SYTL5: variants seen among roughly 807,000 people sequenced by gnomAD.
SYTL5 encodes synaptotagmin-like protein 5.
In SYTL5, 34 loss-of-function variants were observed where a neutral mutation model predicts 55.9. The ratio of observed to expected loss-of-function variants is 0.61; its 90% CI spans 0.46 to 0.81. The LOEUF is 0.81. Ranked by LOEUF, SYTL5 falls within the 30% of genes least tolerant of loss-of-function variation. SYTL5 has a pLI of 0.00. For synonymous variants in SYTL5, 221 were observed against 188.7 expected (o/e 1.17, Z -1.40); for missense variants, 637 against 546.7 (o/e 1.17, Z -1.65).
chrX:38,024,667 C>T (rs1934692377), intron 1 of SYTL5, among the ~76,000 whole-genome samples: 1 of 111,089 alleles, frequency 9.0e-6, no homozygotes, highest in Non-Finnish European at 1.9e-5. Context: ...CCTCAGTTTT[C>T]TCATCTATAA....
intron 2 of SYTL5, among the ~76,000 whole-genome samples, chrX:38,037,822 ATAG>A (rs374693453): frequency 0.18 from 20,127 of 110,443 alleles, 1,762 homozygotes; most frequent in Non-Finnish European, 0.26. Flanking sequence ...AGATAGATAG[ATAG>A]ATAGATAGAT....
At chrX:38,124,137 A>G (rs1937602426) in intron 15 of SYTL5, among the ~76,000 whole-genome samples, 2 of 111,540 alleles carry the variant, frequency 1.8e-5, no homozygotes, top group Admixed American at 9.5e-5. Flanking sequence ...TATCCCACAC[A>G]AATTCCAGCT....
chrX:38,019,523 C>T (rs1361147537), intron 1 of SYTL5, among the ~76,000 whole-genome samples: 1 of 112,124 alleles, frequency 8.9e-6, no homozygotes, highest in Non-Finnish European at 1.9e-5. Context: ...ATGCTTGTCT[C>T]CACTAGAAAA....
At chrX:38,106,564 G>T (rs1350557207) in intron 10 of SYTL5, 29 bp from the exon 11 acceptor site, 1 of 1,143,275 alleles carries the variant, frequency 8.7e-7, no homozygotes, top group East Asian at 3.1e-5. Context: ...AATGACACTA[G>T]AAGCCTTTTT....
At chrX:37,965,569 A>G in the SYTL5 span, among the ~76,000 whole-genome samples, 1 of 111,768 alleles carries the variant, frequency 8.9e-6, no homozygotes, top group African/African-American at 3.2e-5. Flanking sequence ...CTTTAGAAGA[A>G]TGTGTACTTA....
the SYTL5 span, among the ~76,000 whole-genome samples, chrX:37,950,402 G>A: frequency 9.0e-6 from 1 of 111,628 alleles, no homozygotes; most frequent in East Asian, 2.8e-4. Context: ...CAGAAGAGCT[G>A]TTTTAGGTAG....
intron 3 of SYTL5, among the ~76,000 whole-genome samples, chrX:38,054,953 G>C (rs1395287111): frequency 9.0e-6 from 1 of 110,932 alleles, no homozygotes; most frequent in Non-Finnish European, 1.9e-5. Flanking sequence ...CTGGACTCAA[G>C]GGATCCTCCA....
chrX:37,920,176 G>A, the SYTL5 span, among the ~76,000 whole-genome samples: 1 of 111,550 alleles, frequency 9.0e-6, no homozygotes, highest in African/African-American at 3.3e-5. Flanking sequence ...GAAAAAATCT[G>A]AATAAGAAAT....
the SYTL5 span, among the ~76,000 whole-genome samples, chrX:37,991,894 GC>G: frequency 6.2e-5 from 7 of 112,130 alleles, no homozygotes; most frequent in Non-Finnish European, 1.3e-4. Context: ...GGGATTATTA[GC>G]TAGTGCTGTG....
intron 2 of SYTL5, among the ~76,000 whole-genome samples, chrX:38,047,914 C>T (rs931450426): frequency 6.2e-4 from 69 of 111,270 alleles, no homozygotes; most frequent in African/African-American, 1.9e-3. Flanking sequence ...AGGCCAGGCA[C>T]GGTGGCTCAT....
chrX:37,897,578 A>G, the SYTL5 span, among the ~76,000 whole-genome samples: 1 of 111,309 alleles, frequency 9.0e-6, no homozygotes, highest in Admixed American at 9.6e-5. Flanking sequence ...ACATGGAAGT[A>G]AAAAACTGAC....
chrX:38,098,592 G>A (rs1283863858), intron 9 of SYTL5, among the ~76,000 whole-genome samples: 2 of 110,545 alleles, frequency 1.8e-5, no homozygotes, highest in Non-Finnish European at 3.8e-5. Context: ...TACATTGCTA[G>A]TGGTAATGAA....
chrX:38,054,611 T>TGAGAGAGA lies in SYTL5; in HGVS notation c.329+216_329+223dup, dbSNP rs3067495. On this transcript the variant is annotated intron_variant, in intron 3 of 16. Coordinates refer to ENST00000297875, the MANE Select transcript of SYTL5 (RefSeq NM_138780.3). ...GTGTGTGTGTGTGTGTGTGTGTATG[T>TGAGAGAGA]GAGAGAGAGAGAGAGAGAGAGAGAG... Among the ~76,000 whole-genome samples the TGAGAGAGA allele has an allele frequency of 8.0e-3, 767 of 95,408 alleles. 5 individuals are homozygous for TGAGAGAGA. Among genetic ancestry groups the TGAGAGAGA allele is most frequent in the Middle Eastern group, 0.037 (7 of 188 alleles). 82.9% of individuals were successfully genotyped at this position (95,408 alleles called of 115,157 possible). A position where few individuals can be genotyped will look rare whatever the true frequency, so the allele number is the denominator to read the frequency against.
At chrX:38,068,986 CAT>C (rs1177095882) in intron 3 of SYTL5, among the ~76,000 whole-genome samples, 6 of 111,649 alleles carry the variant, frequency 5.4e-5, no homozygotes, top group Non-Finnish European at 1.1e-4. Flanking sequence ...ATACTTTTCA[CAT>C]GTCATTAAGT....
chrX:37,941,625 A>T, the SYTL5 span, among the ~76,000 whole-genome samples: 1 of 111,629 alleles, frequency 9.0e-6, no homozygotes, highest in African/African-American at 3.3e-5. Flanking sequence ...CCAATGACTG[A>T]TGGGAAGTTG....
intron 4 of SYTL5, 50 bp from the exon 5 acceptor site, chrX:38,073,540 T>A: frequency 2.1e-6 from 2 of 947,179 alleles, no homozygotes; most frequent in East Asian, 3.4e-5. Flanking sequence ...TTTGCTCTCA[T>A]TTCTGGCCAT....
At chrX:38,067,388 A>AG (rs1179759260) in intron 3 of SYTL5, among the ~76,000 whole-genome samples, 2 of 110,831 alleles carry the variant, frequency 1.8e-5, no homozygotes, top group Non-Finnish European at 3.8e-5. Context: ...ATATCAAAAA[A>AG]AAAAAAAAGA....
chrX:37,933,259 G>A, the SYTL5 span, among the ~76,000 whole-genome samples: 1 of 111,505 alleles, frequency 9.0e-6, no homozygotes, highest in Admixed American at 9.5e-5. Flanking sequence ...AAAGGGTTGC[G>A]CTAATCTGGG....
chrX:38,036,489 A>C (rs1417422015), intron 2 of SYTL5, among the ~76,000 whole-genome samples: 6 of 111,851 alleles, frequency 5.4e-5, no homozygotes, highest in Non-Finnish European at 9.4e-5. Flanking sequence ...TTTTTTGAGA[A>C]TAGCATAAGA....
Sources: gnomAD v4.1 joint callset for allele counts (sites outside exome capture counted in the v4.1 genomes callset) on GRCh38, gnomAD v4.1.1 for gene constraint, MANE v1.5 for transcripts, NCBI Gene and HGNC (gene_info 2026-07-23, HGNC 2026-07-21) for gene names.